EAF2: variants seen among roughly 807,000 people sequenced by gnomAD.
The protein encoded by EAF2 is ELL associated factor 2.
Under a neutral mutation model 29.4 loss-of-function variants are expected in EAF2, and 29 were observed. That is an observed-to-expected ratio of 0.99 (90% CI 0.73 to 1.35). EAF2 has a LOEUF of 1.35. EAF2 is among the 40% of genes most tolerant of loss of function. The pLI is 0.00. For synonymous variants in EAF2, 103 were observed against 102.5 expected (o/e 1.00, Z -0.03); for missense variants, 292 against 312.0 (o/e 0.94, Z 0.48).
At chr3:121,845,922 G>C (rs1008006703) in intron 2 of EAF2, among the ~76,000 whole-genome samples, 1 of 152,094 alleles carries the variant, frequency 6.6e-6, no homozygotes, top group Non-Finnish European at 1.5e-5. Flanking sequence ...CCTTGAGTTA[G>C]AAATTTTTGA....
intron 4 of EAF2, among the ~76,000 whole-genome samples, chr3:121,860,302 G>A (rs1485094118): frequency 6.6e-6 from 1 of 152,076 alleles, no homozygotes. Context: ...TCTGGTCCTG[G>A]CCTTTTTTTG....
intron 1 of EAF2, among the ~76,000 whole-genome samples, chr3:121,839,475 A>C (rs1178002425): frequency 6.6e-6 from 1 of 152,206 alleles, no homozygotes; most frequent in East Asian, 1.9e-4. Context: ...TAGAAGTCAG[A>C]GGGCCATAGT....
At chr3:121,839,594 A>G (rs539237792) in intron 1 of EAF2, among the ~76,000 whole-genome samples, 28 of 152,344 alleles carry the variant, frequency 1.8e-4, no homozygotes, top group South Asian at 1.2e-3. Context: ...TATACCGGTG[A>G]AAAGTATGAA....
chr3:121,852,470 G>T lies in EAF2; in HGVS notation c.202-2217G>T, dbSNP rs1039722474. ...TCCACATCTAACCGTTTTAGAGCTA[G>T]CCCAGACATGTCTTCATCTACGTGT... On this transcript the variant is annotated intron_variant, in intron 2 of 5. Transcript: ENST00000273668. Among the ~76,000 whole-genome samples, 3 of 152,290 alleles carry T rather than the reference G, an allele frequency of 2.0e-5. No homozygotes were observed. The South Asian group carries it at 6.2e-4, about 32-fold the overall frequency.
intron 1 of EAF2, chr3:121,837,587 G>C (rs929724142): frequency 6.6e-6 from 1 of 152,136 alleles, no homozygotes; most frequent in Non-Finnish European, 1.5e-5. Flanking sequence ...TTCATGGTTT[G>C]TGTAAGGATT....
intron 5 of EAF2, chr3:121,873,090 C>A (rs1373893683): frequency 1.5e-6 from 1 of 682,424 alleles, no homozygotes; most frequent in East Asian, 2.7e-5. Flanking sequence ...TTTTTCTTTT[C>A]ATTCTACAAT....
At chr3:121,858,881 T>C (rs1250776018) in intron 4 of EAF2, among the ~76,000 whole-genome samples, 1 of 152,226 alleles carries the variant, frequency 6.6e-6, no homozygotes, top group Non-Finnish European at 1.5e-5. Flanking sequence ...TTCAGCTTTC[T>C]ACATACGGCT....
chr3:121,882,891 C>G (rs1163834017), intron 5 of EAF2, among the ~76,000 whole-genome samples: 2 of 151,554 alleles, frequency 1.3e-5, no homozygotes, highest in Non-Finnish European at 2.9e-5. Context: ...TGCAATCATC[C>G]CATTGCTCAG....
In EAF2 at chr3:121,870,867, C is replaced by T. The variant is rs569333231; in HGVS notation, c.485-1670C>T. Among the ~76,000 whole-genome samples, 25 of 152,134 alleles carry T rather than the reference C, an allele frequency of 1.6e-4. No individual in the cohort carries two copies. In the South Asian group the frequency reaches 5.2e-3, roughly 32 times the overall value. ...AACTACAAGAAGATACCATTGTACA[C>T]CCTTCAGACTCACTATACCAAGTGT... is the stretch of plus-strand genomic sequence containing the variant. On this transcript the variant is annotated intron_variant, in intron 4 of 5. Coordinates refer to ENST00000273668, the MANE Select transcript of EAF2 (RefSeq NM_018456.6).
At chr3:121,862,675 T>C (rs1391624845) in intron 4 of EAF2, among the ~76,000 whole-genome samples, 4 of 152,254 alleles carry the variant, frequency 2.6e-5, no homozygotes, top group Admixed American at 2.6e-4. Flanking sequence ...TTCTTCTCTC[T>C]ATTCGTCAAA....
At chr3:121,851,351 GT>G (rs34826349) in intron 2 of EAF2, among the ~76,000 whole-genome samples, 5 of 148,622 alleles carry the variant, frequency 3.4e-5, no homozygotes, top group Non-Finnish European at 4.5e-5. Context: ...CTAATTTTTA[GT>G]TTTTTTTTTG....
At position 121,865,682 on chromosome 3, in the gene EAF2, A is replaced by T. The variant is rs572217825; in HGVS notation, c.485-6855A>T. ...TCTCTATAAAAAAAAATATTTTTTTAAAAAAGAAATAAGATGGATCTAAAA... is the reference window on the plus strand; with the variant it reads ...TCTCTATAAAAAAAAATATTTTTTTTAAAAAGAAATAAGATGGATCTAAAA... On this transcript the variant is annotated intron_variant, in intron 4 of 5. Coordinates refer to ENST00000273668, the MANE Select transcript of EAF2 (RefSeq NM_018456.6). Among the ~76,000 whole-genome samples, 49 of 152,232 alleles carry T rather than the reference A, an allele frequency of 3.2e-4. No individual in the cohort carries two copies. The East Asian group carries it at 3.7e-3, about 11-fold the overall frequency.
At chr3:121,855,207 C>A (rs896560579) in intron 3 of EAF2, among the ~76,000 whole-genome samples, 6 of 152,250 alleles carry the variant, frequency 3.9e-5, no homozygotes, top group Middle Eastern at 3.4e-3. Context: ...GTTTGCTCTG[C>A]AAACACCTCA....
chr3:121,875,421 G>A (rs145431897), intron 5 of EAF2, among the ~76,000 whole-genome samples: 2,081 of 152,074 alleles, frequency 0.014, 22 homozygotes, highest in Non-Finnish European at 0.022. Context: ...ATCTCCAAAT[G>A]TGATTATGAA....
intron 1 of EAF2, 136 bp from the exon 2 acceptor site, chr3:121,844,317 T>C (rs1175846927): frequency 3.6e-5 from 20 of 555,530 alleles, no homozygotes; most frequent in Non-Finnish European, 6.0e-5. Context: ...GTTTGTTCAT[T>C]TGTAATATGA....
chr3:121,864,126 A>T (rs1196054981), intron 4 of EAF2, among the ~76,000 whole-genome samples: 1 of 152,220 alleles, frequency 6.6e-6, no homozygotes, highest in African/African-American at 2.4e-5. Flanking sequence ...TTTTGTAAGT[A>T]AGAAAACTTA....
intron 4 of EAF2, among the ~76,000 whole-genome samples, chr3:121,865,858 G>T (rs1057145698): frequency 2.6e-5 from 4 of 152,010 alleles, no homozygotes; most frequent in Admixed American, 6.5e-5. Flanking sequence ...TGGCCAGAAG[G>T]TCCCTGCAAG....
chr3:121,856,940 T>C (rs1708729010), intron 3 of EAF2, 71 bp from the exon 4 acceptor site: 1 of 1,378,854 alleles, frequency 7.3e-7, no homozygotes, highest in Non-Finnish European at 9.9e-7. Context: ...TCAGTTTTAG[T>C]AACTTTGTAA....
At chr3:121,852,396 T>C (rs1188418503) in intron 2 of EAF2, among the ~76,000 whole-genome samples, 1 of 152,180 alleles carries the variant, frequency 6.6e-6, no homozygotes, top group African/African-American at 2.4e-5. Flanking sequence ...TTTGTTTGGT[T>C]ATAATCATGC....
Sources: allele counts gnomAD v4.1 joint callset (sites outside exome capture counted in the v4.1 genomes callset), GRCh38; gene constraint gnomAD v4.1.1; transcripts MANE v1.5; gene names NCBI Gene and HGNC (gene_info 2026-07-23, HGNC 2026-07-21).